The following KIF26B variants were observed in gnomAD, a reference collection of about 807,000 sequenced individuals.
KIF26B encodes the protein kinesin-like protein KIF26B.
A neutral mutation model predicts 151.2 loss-of-function variants in KIF26B; 63 were observed. The ratio of observed to expected loss-of-function variants is 0.42; its 90% confidence interval spans 0.34 to 0.51. The LOEUF is 0.51. Among genes scored for constraint, KIF26B ranks in the 20% least tolerant of loss-of-function variants. KIF26B has a pLI of 0.07. For missense variants in KIF26B, 2,813 were observed against 2,913.6 expected (o/e 0.97, Z 0.79); for synonymous variants, 1,357 against 1,262.1 (o/e 1.08, Z -1.59).
intron 10 of KIF26B, among the ~76,000 whole-genome samples, chr1:245,672,156 G>A (rs933726360): frequency 2.0e-5 from 3 of 152,044 alleles, no homozygotes; most frequent in African/African-American, 4.8e-5. Flanking sequence ...GGCAAGCCCC[G>A]AGGACTCCAT....
chr1:245,707,435 T>C lies in KIF26B; in HGVS notation c.*4829T>C, dbSNP rs142259706. The C allele has an allele frequency of 6.6e-6, 1 of 152,352 alleles. No homozygotes were observed. Among genetic ancestry groups the C allele is most frequent in the Non-Finnish European group, 1.5e-5 (1 of 68,026 alleles). 9.4% of individuals were successfully genotyped at this position (152,352 alleles called of 1,614,324 possible). A position where few individuals can be genotyped will look rare whatever the true frequency, so the allele number is the denominator to read the frequency against. ...CTGCTAACAGCCCACATTGTAATAT[T>C]TGATTTATGAAGAAGTTCTAATTTA... On this transcript the variant is annotated 3_prime_UTR_variant, in exon 15 of 15. Transcript: ENST00000407071.
chr1:245,286,292 T>C (rs1671163411), intron 2 of KIF26B, among the ~76,000 whole-genome samples: 1 of 152,186 alleles, frequency 6.6e-6, no homozygotes, highest in South Asian at 2.1e-4. Flanking sequence ...CTCAGCACTT[T>C]GGGAGGCCAG....
At position 245,603,807 on chromosome 1, in the gene KIF26B, A is replaced by G. The variant is rs145383873; in HGVS notation, c.1557+1024A>G. ...AGAAGAGATTGCTTCTAATGATTGG[A>G]CGAGCTCCAAGTCACATTGCAAGGG... On this transcript the variant is annotated intron_variant, in intron 6 of 14. Transcript: ENST00000407071. Among the ~76,000 whole-genome samples, 24 of 152,250 alleles carry G rather than the reference A, an allele frequency of 1.6e-4. No individual in the cohort carries two copies. The East Asian group carries it at 4.6e-3, about 29-fold the overall frequency.
intron 2 of KIF26B, among the ~76,000 whole-genome samples, chr1:245,354,577 G>A (rs1275011342): frequency 6.6e-6 from 1 of 152,244 alleles, no homozygotes; most frequent in Non-Finnish European, 1.5e-5. Flanking sequence ...TGGAGGCTGG[G>A]CCAGGCGGTC....
intron 4 of KIF26B, among the ~76,000 whole-genome samples, chr1:245,468,808 C>T (rs915862090): frequency 3.3e-5 from 5 of 152,128 alleles, no homozygotes; most frequent in Non-Finnish European, 5.9e-5. Flanking sequence ...TGTTTTCTTT[C>T]CCCCTCGCTA....
chr1:245,246,007 G>A (rs1041068652), intron 2 of KIF26B, among the ~76,000 whole-genome samples: 4 of 150,618 alleles, frequency 2.7e-5, no homozygotes, highest in African/African-American at 4.9e-5. Context: ...CAGGAGAATC[G>A]CTTGAACCTG....
At chr1:245,582,850 G>A (rs1298900710) in intron 5 of KIF26B, among the ~76,000 whole-genome samples, 1 of 152,130 alleles carries the variant, frequency 6.6e-6, no homozygotes, top group East Asian at 1.9e-4. Context: ...AGGCAGAGGT[G>A]AGCCATCTGC....
At chr1:245,204,450 C>T (rs547210034) in intron 2 of KIF26B, among the ~76,000 whole-genome samples, 69 of 151,980 alleles carry the variant, frequency 4.5e-4, no homozygotes, top group Middle Eastern at 3.4e-3. Flanking sequence ...CTCGGCTCAC[C>T]GCAACATCCA....
chr1:245,657,705 C>G (rs1008495324), intron 10 of KIF26B, among the ~76,000 whole-genome samples: 3 of 152,150 alleles, frequency 2.0e-5, no homozygotes, highest in African/African-American at 4.8e-5. Flanking sequence ...TCTTCTGCTT[C>G]CAGCGGCTGT....
intron 3 of KIF26B, among the ~76,000 whole-genome samples, chr1:245,386,623 G>A (rs1186818417): frequency 6.6e-6 from 1 of 152,164 alleles, no homozygotes; most frequent in Non-Finnish European, 1.5e-5. Context: ...GGCTCAGAGG[G>A]CTCCAGGAAC....
chr1:245,631,565 G>A (rs1196371965), intron 9 of KIF26B, among the ~76,000 whole-genome samples: 1 of 152,098 alleles, frequency 6.6e-6, no homozygotes, highest in Non-Finnish European at 1.5e-5. Flanking sequence ...TGTTCATCAG[G>A]GATATTGGTA....
At chr1:245,326,555 A>G (rs1210352959) in intron 2 of KIF26B, among the ~76,000 whole-genome samples, 1 of 152,164 alleles carries the variant, frequency 6.6e-6, no homozygotes, top group African/African-American at 2.4e-5. Flanking sequence ...TGGCCTCATC[A>G]TGCTCAGAAA....
rs550489873 is a variant in KIF26B, at chr1:245,558,936, G to A, written c.1350+17986G>A. Among the ~76,000 whole-genome samples, 89 of 152,294 alleles carry A rather than the reference G, an allele frequency of 5.8e-4. 1 individual carries two copies. The highest frequency in any genetic ancestry group is 1.0e-3 in the South Asian group (5 of 4,818). On this transcript the variant is annotated intron_variant, in intron 5 of 14. Transcript: ENST00000407071. ...AGGAGATGCTCTCAAATCCTTGACCGGAGTGAAGGCAGAGTTCTTGTCAGT... is the reference window on the plus strand; with the variant it reads ...AGGAGATGCTCTCAAATCCTTGACCAGAGTGAAGGCAGAGTTCTTGTCAGT...
At chr1:245,389,106 CAAAA>C (rs945893905) in intron 3 of KIF26B, among the ~76,000 whole-genome samples, 1 of 152,024 alleles carries the variant, frequency 6.6e-6, no homozygotes, top group South Asian at 2.1e-4. Flanking sequence ...TGTCCACTCT[CAAAA>C]AAGCCCATTT....
chr1:245,246,805 G>C (rs1670337859), intron 2 of KIF26B, among the ~76,000 whole-genome samples: 1 of 151,782 alleles, frequency 6.6e-6, no homozygotes, highest in South Asian at 2.1e-4. Context: ...TGTGTACTGG[G>C]TTCTTTGGAG....
intron 4 of KIF26B, among the ~76,000 whole-genome samples, chr1:245,515,065 C>T (rs566051716): frequency 2.0e-5 from 3 of 152,222 alleles, no homozygotes; most frequent in South Asian, 2.1e-4. Flanking sequence ...GAAGTCAAGA[C>T]CTGGGTGTTT....
At chr1:245,514,722 G>C (rs1473710462) in intron 4 of KIF26B, among the ~76,000 whole-genome samples, 2 of 152,198 alleles carry the variant, frequency 1.3e-5, no homozygotes, top group Non-Finnish European at 2.9e-5. Flanking sequence ...GTCAGTGGAA[G>C]AGTGGCGATT....
intron 2 of KIF26B, among the ~76,000 whole-genome samples, chr1:245,161,463 T>A (rs1668528206): frequency 6.6e-6 from 1 of 152,216 alleles, no homozygotes; most frequent in Non-Finnish European, 1.5e-5. Context: ...TTGTCAGCAT[T>A]TGGAAGGATT....
Position 245,236,496 on chromosome 1 carries a change from G to A in KIF26B, c.465+79813G>A, listed in dbSNP as rs191170956. Among the ~76,000 whole-genome samples, 121 of 152,282 alleles carry A rather than the reference G, an allele frequency of 7.9e-4. 1 individual carries two copies. The highest frequency in any genetic ancestry group is 1.4e-3 in the Admixed American group (21 of 15,288). On this transcript the variant is annotated intron_variant, in intron 2 of 14. Coordinates refer to ENST00000407071, the MANE Select transcript of KIF26B (RefSeq NM_018012.4). ...CAATCAATATTATAATTATTAATAT[G>A]TGAACTATAGGATTTTTATTATTTA...
Sources: allele counts gnomAD v4.1 joint callset (sites outside exome capture counted in the v4.1 genomes callset), GRCh38; gene constraint gnomAD v4.1.1; transcripts MANE v1.5; gene names NCBI Gene and HGNC (gene_info 2026-07-23, HGNC 2026-07-21).